Variants in TMPRSS11F observed in about 807,000 individuals in gnomAD.
The protein encoded by TMPRSS11F is transmembrane serine protease 11F.
TMPRSS11F carries 47 observed loss-of-function variants against 60.2 expected under a neutral mutation model. That is an observed-to-expected ratio of 0.78 (90% CI 0.62 to 1.00). TMPRSS11F has a LOEUF of 1.00. TMPRSS11F is among the 50% of genes least tolerant of loss of function. TMPRSS11F has a pLI of 0.00. For missense variants in TMPRSS11F, 519 were observed against 522.9 expected (o/e 0.99, Z 0.07); for synonymous variants, 166 against 167.3 (o/e 0.99, Z 0.06).
chr4:68,117,669 C>T (rs1028423070), intron 1 of TMPRSS11F, among the ~76,000 whole-genome samples: 2 of 152,094 alleles, frequency 1.3e-5, no homozygotes, highest in African/African-American at 4.8e-5. Flanking sequence ...AGTTGGGTGT[C>T]TCCACTGAGA....
intron 2 of TMPRSS11F, among the ~76,000 whole-genome samples, chr4:68,096,149 C>T (rs1724071015): frequency 6.6e-6 from 1 of 151,652 alleles, no homozygotes; most frequent in Non-Finnish European, 1.5e-5. Context: ...AAGCTGCCTT[C>T]AACAAGGCAG....
At chr4:68,118,386 C>T (rs1426867446) in intron 1 of TMPRSS11F, among the ~76,000 whole-genome samples, 3 of 152,012 alleles carry the variant, frequency 2.0e-5, no homozygotes, top group Non-Finnish European at 4.4e-5. Context: ...TATTATAACA[C>T]AATTTTGGAT....
intron 5 of TMPRSS11F, among the ~76,000 whole-genome samples, chr4:68,070,949 T>G (rs995974955): frequency 4.6e-5 from 7 of 152,208 alleles, no homozygotes; most frequent in African/African-American, 1.4e-4. Context: ...GTCAGAGAAT[T>G]TAGTTATTTT....
intron 8 of TMPRSS11F, 43 bp downstream of exon 8, chr4:68,064,642 C>T (rs1057353529): frequency 6.3e-7 from 1 of 1,594,468 alleles, no homozygotes; most frequent in East Asian, 2.2e-5. Flanking sequence ...CGTTTGATCT[C>T]AAGACATTCT....
intron 8 of TMPRSS11F, chr4:68,061,705 C>T (rs1448266254): frequency 5.2e-6 from 2 of 386,572 alleles, no homozygotes; most frequent in Non-Finnish European, 1.0e-5. Flanking sequence ...GAGTCAATCA[C>T]TGAAAGAAAT....
intron 1 of TMPRSS11F, among the ~76,000 whole-genome samples, chr4:68,114,395 C>T (rs1320776824): frequency 6.6e-6 from 1 of 151,732 alleles, no homozygotes; most frequent in Non-Finnish European, 1.5e-5. Context: ...TTACCATAGA[C>T]CTATTAAACA....
chr4:68,074,644 A>G (rs1479847536), intron 3 of TMPRSS11F, among the ~76,000 whole-genome samples: 4 of 152,206 alleles, frequency 2.6e-5, no homozygotes, highest in African/African-American at 9.7e-5. Context: ...AACTGGTACT[A>G]TGCTTGGGAA....
chr4:68,108,421 C>G (rs1560409335), intron 1 of TMPRSS11F, among the ~76,000 whole-genome samples: 1 of 152,110 alleles, frequency 6.6e-6, no homozygotes, highest in South Asian at 2.1e-4. Context: ...TGCCAGTATG[C>G]AATCTGCCCA....
In TMPRSS11F at chr4:68,087,313, C is replaced by G. The variant is rs377165624; in HGVS notation, c.282+3210G>C. Among the ~76,000 whole-genome samples, 53 of 152,148 alleles carry G rather than the reference C, an allele frequency of 3.5e-4. No individual in the cohort carries two copies. In the East Asian group the frequency reaches 9.5e-3, roughly 27 times the overall value. ...AAAGCTTTTGATAAAATCCAACATC[C>G]CTTCATGATAAAAACCCTCAATAAA... On this transcript the variant is annotated intron_variant, in intron 3 of 9. Coordinates refer to ENST00000356291, the MANE Select transcript of TMPRSS11F (RefSeq NM_207407.2).
intron 1 of TMPRSS11F, among the ~76,000 whole-genome samples, chr4:68,125,339 T>A (rs1196568537): frequency 6.6e-6 from 1 of 152,110 alleles, no homozygotes; most frequent in East Asian, 1.9e-4. Context: ...CAATCATTTA[T>A]AAAATTTTCT....
At chr4:68,085,276 T>C (rs576106501) in intron 3 of TMPRSS11F, among the ~76,000 whole-genome samples, 2,063 of 151,368 alleles carry the variant, frequency 0.014, 24 homozygotes, top group South Asian at 0.022. Flanking sequence ...GGTCAAATGG[T>C]ATCTCTAGTT....
At chr4:68,108,663 T>A (rs934055589) in intron 1 of TMPRSS11F, among the ~76,000 whole-genome samples, 1 of 152,168 alleles carries the variant, frequency 6.6e-6, no homozygotes, top group African/African-American at 2.4e-5. Flanking sequence ...ATCTTTCCAA[T>A]ATATACAACT....
intron 1 of TMPRSS11F, among the ~76,000 whole-genome samples, chr4:68,109,130 C>A (rs955134183): frequency 6.6e-6 from 1 of 152,108 alleles, no homozygotes; most frequent in East Asian, 1.9e-4. Flanking sequence ...TAGGAACATT[C>A]AAAATGGATA....
chr4:68,090,649 G>A lies in TMPRSS11F; in HGVS notation c.164-8C>T. On this transcript the variant is annotated splice_polypyrimidine_tract_variant and splice_region_variant and intron_variant, in intron 2 of 9. Coordinates refer to ENST00000356291, the MANE Select transcript of TMPRSS11F (RefSeq NM_207407.2). ...AATAGAAAGACTTATCATCTGAAAGGTAAAACAAACAAAAGTCTCATGGTT... is the reference window on the plus strand; with the variant it reads ...AATAGAAAGACTTATCATCTGAAAGATAAAACAAACAAAAGTCTCATGGTT... The A allele has an allele frequency of 1.3e-6, 2 of 1,587,488 alleles. No individual in the cohort carries two copies. The highest frequency in any genetic ancestry group is 1.7e-6 in the Non-Finnish European group (2 of 1,166,132).
intron 3 of TMPRSS11F, among the ~76,000 whole-genome samples, chr4:68,089,913 T>G (rs914167126): frequency 4.6e-5 from 7 of 152,064 alleles, no homozygotes; most frequent in Non-Finnish European, 2.9e-5. Context: ...TGAATTTTGC[T>G]AAACAAATCT....
chr4:68,116,068 T>C (rs563209476), intron 1 of TMPRSS11F, among the ~76,000 whole-genome samples: 1 of 151,956 alleles, frequency 6.6e-6, no homozygotes, highest in Non-Finnish European at 1.5e-5. Context: ...AACTCTAGAA[T>C]TGTTTCTTTC....
intron 9 of TMPRSS11F, among the ~76,000 whole-genome samples, chr4:68,058,441 A>G (rs186992960): frequency 1.3e-5 from 2 of 152,350 alleles, no homozygotes; most frequent in African/African-American, 4.8e-5. Context: ...GTGAGAAAAC[A>G]GAGGAATCAA....
intron 9 of TMPRSS11F, among the ~76,000 whole-genome samples, chr4:68,054,532 C>T (rs1243457261): frequency 6.6e-6 from 1 of 151,984 alleles, no homozygotes; most frequent in Non-Finnish European, 1.5e-5. Flanking sequence ...TTTATAAACT[C>T]CTTTAAATCT....
chr4:68,113,775 A>T (rs1046142276), intron 1 of TMPRSS11F, among the ~76,000 whole-genome samples: 2 of 152,168 alleles, frequency 1.3e-5, no homozygotes, highest in Non-Finnish European at 2.9e-5. Context: ...ATTATCAACC[A>T]TCTTGACCTA....
Sources: gnomAD v4.1 joint callset for allele counts (sites outside exome capture counted in the v4.1 genomes callset) on GRCh38, gnomAD v4.1.1 for gene constraint, MANE v1.5 for transcripts, NCBI Gene and HGNC (gene_info 2026-07-23, HGNC 2026-07-21) for gene names.